Variants in ZBTB16 observed in about 807,000 individuals in gnomAD.
The protein encoded by ZBTB16 is zinc finger and BTB domain containing 16.
In ZBTB16, 8 loss-of-function variants were observed where a neutral mutation model predicts 56.8. The observed-to-expected ratio is 0.14, with a 90% confidence interval of 0.08 to 0.25. The LOEUF is 0.25. ZBTB16 is among the 10% of genes least tolerant of loss of function. ZBTB16 has a pLI of 1.00. For missense variants in ZBTB16, 625 were observed against 903.0 expected (o/e 0.69, Z 3.95); for synonymous variants, 363 against 368.5 (o/e 0.98, Z 0.17).
chr11:114,233,081 G>GCGCGCGCACACA (rs1250341636), intron 4 of ZBTB16, among the ~76,000 whole-genome samples: 2 of 87,478 alleles, frequency 2.3e-5, no homozygotes, highest in African/African-American at 8.7e-5. Flanking sequence ...GCGCGCGCGC[G>GCGCGCGCACACA]CACACACACA....
intron 2 of ZBTB16, among the ~76,000 whole-genome samples, chr11:114,155,458 CGGGTTGG>C (rs150639134): frequency 0.14 from 21,805 of 152,032 alleles, 2,550 homozygotes; most frequent in African/African-American, 0.32. Context: ...GGAGAGGCCC[CGGGTTGG>C]GGGTTGGGAG....
intron 2 of ZBTB16, among the ~76,000 whole-genome samples, chr11:114,123,857 A>C (rs1216976659): frequency 6.6e-6 from 1 of 152,146 alleles, no homozygotes; most frequent in African/African-American, 2.4e-5. Context: ...CCTGTGGCTA[A>C]ATGGATATAC....
At chr11:114,107,703 G>A (rs979861954) in intron 2 of ZBTB16, among the ~76,000 whole-genome samples, 31 of 152,180 alleles carry the variant, frequency 2.0e-4, no homozygotes, top group African/African-American at 7.5e-4. Context: ...ATCTTGGGAG[G>A]AGATGCATAA....
At chr11:114,241,220 G>A (rs557787826) in intron 4 of ZBTB16, among the ~76,000 whole-genome samples, 2 of 150,210 alleles carry the variant, frequency 1.3e-5, no homozygotes, top group African/African-American at 5.0e-5. Context: ...GCTTTAGTGA[G>A]TGGAGAAGTA....
At chr11:114,156,570 C>G in intron 3 of ZBTB16, 136 bp downstream of exon 3, 1 of 822,854 alleles carries the variant, frequency 1.2e-6, no homozygotes, top group Non-Finnish European at 2.0e-6. Context: ...GTTCCCTGGA[C>G]CCTCCCTCCA....
At chr11:114,236,372 G>A (rs1330141781) in intron 4 of ZBTB16, among the ~76,000 whole-genome samples, 1 of 152,180 alleles carries the variant, frequency 6.6e-6, no homozygotes, top group Non-Finnish European at 1.5e-5. Context: ...TCCAAGAAGG[G>A]CTGTACCTCT....
intron 2 of ZBTB16, among the ~76,000 whole-genome samples, chr11:114,121,465 C>T (rs765864285): frequency 2.6e-5 from 4 of 152,086 alleles, no homozygotes; most frequent in Admixed American, 6.6e-5. Flanking sequence ...CTGGCTGTGT[C>T]GTCTTTCTTA....
chr11:114,209,467 A>C, intron 4 of ZBTB16: 3 of 985,314 alleles, frequency 3.0e-6, no homozygotes, highest in Non-Finnish European at 3.6e-6. Flanking sequence ...CATTCCGGAG[A>C]TCCCCAGAGG....
intron 2 of ZBTB16, among the ~76,000 whole-genome samples, chr11:114,142,433 G>T (rs1007086229): frequency 6.6e-6 from 1 of 152,184 alleles, no homozygotes; most frequent in African/African-American, 2.4e-5. Context: ...AATAACACAG[G>T]CCTGTAATCT....
intron 2 of ZBTB16, among the ~76,000 whole-genome samples, chr11:114,104,625 G>T (rs238925): frequency 0.37 from 55,528 of 151,976 alleles, 10,328 homozygotes; most frequent in Middle Eastern, 0.46. Context: ...GGATGGACCT[G>T]CAGGAAGCTG....
At chr11:114,244,598 T>G (rs1944778501) in intron 5 of ZBTB16, among the ~76,000 whole-genome samples, 2 of 152,130 alleles carry the variant, frequency 1.3e-5, no homozygotes, top group African/African-American at 4.8e-5. Flanking sequence ...CAAATCGGGA[T>G]GGGGATACGT....
intron 2 of ZBTB16, among the ~76,000 whole-genome samples, chr11:114,141,349 T>C (rs866242947): frequency 1.3e-5 from 2 of 152,238 alleles, no homozygotes; most frequent in Middle Eastern, 3.2e-3. Context: ...ACTGTTGATC[T>C]GCTCCTCTTC....
In ZBTB16 at chr11:114,143,747, G is replaced by A. The variant is rs7924395; in HGVS notation, c.1269-12590G>A. Among the ~76,000 whole-genome samples the A allele has an allele frequency of 0.2, 29,714 of 152,102 alleles. 3,190 individuals are homozygous for A. Among genetic ancestry groups the A allele is most frequent in the Admixed American group, 0.26 (3,998 of 15,286 alleles). Reference sequence around the variant, plus strand: ...TCATCTAAGCACAGGGCACCCAGGCGGGTAGCACAGGTGGCTTAGCAAATG... The same window carrying A: ...TCATCTAAGCACAGGGCACCCAGGCAGGTAGCACAGGTGGCTTAGCAAATG... On this transcript the variant is annotated intron_variant, in intron 2 of 6. Coordinates refer to ENST00000335953, the MANE Select transcript of ZBTB16 (RefSeq NM_006006.6). This position sits in a 1 kb window ranked among gnomAD's most constrained non-coding sequence, Gnocchi z 6.4.
At chr11:114,174,012 T>G (rs1366444230) in intron 3 of ZBTB16, among the ~76,000 whole-genome samples, 1 of 152,234 alleles carries the variant, frequency 6.6e-6, no homozygotes, top group African/African-American at 2.4e-5. Context: ...ACGTTTTCCT[T>G]CCTACATGTT....
At chr11:114,126,669 C>T (rs1941517048) in intron 2 of ZBTB16, among the ~76,000 whole-genome samples, 1 of 152,194 alleles carries the variant, frequency 6.6e-6, no homozygotes, top group African/African-American at 2.4e-5. Flanking sequence ...ACATTACTGT[C>T]TCTTGAGCGA....
At chr11:114,249,185 G>T (rs181422849) in intron 6 of ZBTB16, among the ~76,000 whole-genome samples, 3 of 152,070 alleles carry the variant, frequency 2.0e-5, no homozygotes, top group African/African-American at 4.8e-5. Context: ...TAGGCCGGGT[G>T]GGGGAGCTCA....
intron 3 of ZBTB16, among the ~76,000 whole-genome samples, chr11:114,159,947 G>GGGC (rs1942538327): frequency 6.8e-6 from 1 of 146,684 alleles, no homozygotes; most frequent in African/African-American, 2.6e-5. Flanking sequence ...CGGGGGGGAG[G>GGGC]CGAGCATTTT....
rs528481935 is a variant in ZBTB16, at chr11:114,138,005, G to A, written c.1269-18332G>A. Among the ~76,000 whole-genome samples, 3 of 152,334 alleles carry A rather than the reference G, an allele frequency of 2.0e-5. No individual in the cohort carries two copies. The South Asian group carries it at 6.2e-4, about 32-fold the overall frequency. On this transcript the variant is annotated intron_variant, in intron 2 of 6. Coordinates refer to ENST00000335953, the MANE Select transcript of ZBTB16 (RefSeq NM_006006.6). Reference sequence around the variant, plus strand: ...TTAGGAAGGCAAGGAGCAAGGCGTGGGCTGTGGGGCCCTTGGGGCAGAGCC... The same window carrying A: ...TTAGGAAGGCAAGGAGCAAGGCGTGAGCTGTGGGGCCCTTGGGGCAGAGCC...
chr11:114,068,881 C>G (rs1306783014), intron 2 of ZBTB16, among the ~76,000 whole-genome samples: 1 of 152,220 alleles, frequency 6.6e-6, no homozygotes, highest in Non-Finnish European at 1.5e-5. Flanking sequence ...TTGCAGGGAA[C>G]AGTATAGTTC....
Sources: gnomAD v4.1 joint callset for allele counts (sites outside exome capture counted in the v4.1 genomes callset) on GRCh38, gnomAD v4.1.1 for gene constraint, Gnocchi (gnomAD v3.1) non-coding constraint, MANE v1.5 for transcripts, NCBI Gene and HGNC (gene_info 2026-07-23, HGNC 2026-07-21) for gene names.